The following BMPER variants were observed in gnomAD, a reference collection of about 807,000 sequenced individuals.
BMPER encodes BMP-binding endothelial regulator protein.
BMPER carries 45 observed loss-of-function variants against 87.3 expected under a neutral mutation model. The observed-to-expected ratio is 0.52, with a 90% CI of 0.41 to 0.66. The LOEUF is 0.66. Among genes scored for constraint, BMPER ranks in the 30% least tolerant of loss-of-function variants. The pLI is 0.00. For synonymous variants in BMPER, 326 were observed against 316.2 expected (o/e 1.03, Z -0.33); for missense variants, 784 against 867.5 (o/e 0.90, Z 1.21).
intron 9 of BMPER, among the ~76,000 whole-genome samples, chr7:34,055,539 A>G (rs1374980154): frequency 6.6e-6 from 1 of 152,220 alleles, no homozygotes; most frequent in African/African-American, 2.4e-5. Flanking sequence ...TTTCTTGACT[A>G]TATTTTTGCT....
chr7:33,999,909 C>T (rs538390833), intron 6 of BMPER, among the ~76,000 whole-genome samples: 6 of 152,318 alleles, frequency 3.9e-5, no homozygotes, highest in Non-Finnish European at 7.3e-5. Flanking sequence ...TAAAAGGCCA[C>T]TACGCTCAGA....
rs536452177 is a variant in BMPER at position 33,997,456 on chromosome 7, T to C, written c.576+22672T>C. ...CGTGATAGTGAGTTCTTACAAGACC[T>C]GGTTGTTCGATAGTGTCTGGCGCTT... is the stretch of plus-strand genomic sequence containing the variant. On this transcript the variant is annotated intron_variant, in intron 6 of 14. Coordinates refer to ENST00000649409, the MANE Select transcript of BMPER (RefSeq NM_001365308.1). Among the ~76,000 whole-genome samples the C allele has an allele frequency of 2.6e-5, 4 of 152,280 alleles. No individual in the cohort carries two copies. In the East Asian group the frequency reaches 7.7e-4, roughly 29 times the overall value.
At position 34,079,183 on chromosome 7, in the gene BMPER, G is replaced by A. The variant is rs1038957049; in HGVS notation, c.1405G>A (p.Ala469Thr). The change falls in exon 12 of 15, where the codon GCA becomes ACA. Residue 469 changes from alanine to threonine, a missense_variant. Ala to Thr is a moderately conservative substitution (Grantham distance 58, BLOSUM62 0). Coordinates refer to ENST00000649409, the MANE Select transcript of BMPER (RefSeq NM_001365308.1). Reference protein sequence around the residue: ...DGYLLKVTTKAGLEISWDGDS... With the variant: ...DGYLLKVTTKTGLEISWDGDS... ...CTACCTCTTGAAAGTGACCACCAAA[G>A]CAGGTGGGGCGTCTGTGGCCTCCCT... is the stretch of plus-strand genomic sequence containing the variant. 1 of 1,613,454 alleles carries A rather than the reference G, an allele frequency of 6.2e-7. No homozygotes were observed. The highest frequency in any genetic ancestry group is 1.3e-5 in the African/African-American group (1 of 74,942).
At chr7:33,981,204 T>C (rs1200499221) in intron 6 of BMPER, among the ~76,000 whole-genome samples, 1 of 152,218 alleles carries the variant, frequency 6.6e-6, no homozygotes, top group East Asian at 1.9e-4. Flanking sequence ...AAATGCAGCA[T>C]CTCTGTCCCT....
intron 6 of BMPER, among the ~76,000 whole-genome samples, chr7:33,991,566 A>G (rs1786220051): frequency 6.6e-6 from 1 of 152,108 alleles, no homozygotes; most frequent in Non-Finnish European, 1.5e-5. Flanking sequence ...TCAAAAAACC[A>G]GCTCCTGGAT....
At chr7:34,115,042 G>A (rs913726096) in intron 13 of BMPER, among the ~76,000 whole-genome samples, 11 of 152,178 alleles carry the variant, frequency 7.2e-5, no homozygotes, top group Non-Finnish European at 1.3e-4. Flanking sequence ...TTTCACCAAT[G>A]AATGGTTCAA....
At chr7:33,980,307 C>A (rs1184892328) in intron 6 of BMPER, among the ~76,000 whole-genome samples, 1 of 152,154 alleles carries the variant, frequency 6.6e-6, no homozygotes, top group Non-Finnish European at 1.5e-5. Context: ...AGAGTGCATT[C>A]TTTATGAGAT....
rs2127955697 is a variant in BMPER, at chr7:34,041,444, C to G, written c.577-4862C>G. On this transcript the variant is annotated intron_variant, in intron 6 of 14. Coordinates refer to ENST00000649409, the MANE Select transcript of BMPER (RefSeq NM_001365308.1). Reference sequence around the variant, plus strand: ...CTTCTGCTTTGATTTGTAGATTAGACTATTCTTTGCAGACCAAAAACAGGG... The same window carrying G: ...CTTCTGCTTTGATTTGTAGATTAGAGTATTCTTTGCAGACCAAAAACAGGG... Among the ~76,000 whole-genome samples, 3 of 152,266 alleles carry G rather than the reference C, an allele frequency of 2.0e-5. No individual in the cohort carries two copies. The South Asian group carries it at 6.2e-4, about 32-fold the overall frequency.
At position 33,939,041 on chromosome 7, in the gene BMPER, A is replaced by C. The variant is rs112461931; in HGVS notation, c.319+1653A>C. ...CTCCATCTCAAAAAACAAAACAAAA[A>C]AAAAGACAAAAAACGAGGACAATTG... On this transcript the variant is annotated intron_variant, in intron 3 of 14. Transcript: ENST00000649409. Among the ~76,000 whole-genome samples, 279 of 152,246 alleles carry C rather than the reference A, an allele frequency of 1.8e-3. 1 individual carries two copies. Among genetic ancestry groups the C allele is most frequent in the Middle Eastern group, 0.014 (4 of 294 alleles).
chr7:33,931,180 A>G (rs1784471803), intron 2 of BMPER, among the ~76,000 whole-genome samples: 1 of 152,180 alleles, frequency 6.6e-6, no homozygotes, highest in African/African-American at 2.4e-5. Flanking sequence ...TGTCCAGAAA[A>G]TCTGCAGACT....
intron 3 of BMPER, among the ~76,000 whole-genome samples, chr7:33,960,239 A>G (rs1658633423): frequency 6.6e-6 from 1 of 152,254 alleles, no homozygotes; most frequent in African/African-American, 2.4e-5. Context: ...AATTGCCTCC[A>G]GGATTCATGG....
intron 3 of BMPER, among the ~76,000 whole-genome samples, chr7:33,941,634 G>T (rs1001415328): frequency 1.3e-5 from 2 of 152,120 alleles, no homozygotes; most frequent in African/African-American, 4.8e-5. Context: ...CGCATGTGCA[G>T]TTCACAATAG....
chr7:34,113,961 T>A (rs1039933461), intron 13 of BMPER, among the ~76,000 whole-genome samples: 8 of 152,210 alleles, frequency 5.3e-5, no homozygotes, highest in Non-Finnish European at 1.0e-4. Context: ...TTCCTGTGAT[T>A]GAGAGTATTG....
intron 6 of BMPER, among the ~76,000 whole-genome samples, chr7:33,998,948 C>G (rs1374145926): frequency 1.3e-5 from 2 of 152,314 alleles, no homozygotes; most frequent in East Asian, 1.9e-4. Flanking sequence ...GGAAGGCTGT[C>G]TCAAGATTTC....
chr7:34,013,887 A>G (rs1255413951), intron 6 of BMPER, among the ~76,000 whole-genome samples: 1 of 151,946 alleles, frequency 6.6e-6, no homozygotes, highest in African/African-American at 2.4e-5. Context: ...CTTTTTACCC[A>G]AAGAGCTTTT....
intron 6 of BMPER, among the ~76,000 whole-genome samples, chr7:33,981,889 G>C (rs1362390891): frequency 6.6e-6 from 1 of 152,206 alleles, no homozygotes; most frequent in Non-Finnish European, 1.5e-5. Flanking sequence ...TGTTTGAAAA[G>C]TGTTCCTAAG....
intron 6 of BMPER, among the ~76,000 whole-genome samples, chr7:33,994,610 C>G (rs562305276): frequency 3.9e-5 from 6 of 152,250 alleles, no homozygotes; most frequent in South Asian, 2.1e-4. Context: ...AGCTGTAGAC[C>G]GGAGCTGTTC....
intron 11 of BMPER, among the ~76,000 whole-genome samples, chr7:34,072,048 G>A (rs961652): frequency 0.55 from 83,894 of 151,994 alleles, 24,289 homozygotes; most frequent in African/African-American, 0.7. Flanking sequence ...GTTGGATTCC[G>A]TCTTACAACT....
intron 2 of BMPER, among the ~76,000 whole-genome samples, chr7:33,913,707 A>G (rs1784018459): frequency 6.6e-6 from 1 of 152,242 alleles, no homozygotes; most frequent in Non-Finnish European, 1.5e-5. Context: ...GCTAAAATGC[A>G]GCAGTAATTA....
Sources: gnomAD v4.1 joint callset for allele counts (sites outside exome capture counted in the v4.1 genomes callset) on GRCh38, gnomAD v4.1.1 for gene constraint, MANE v1.5 for transcripts, NCBI Gene and HGNC (gene_info 2026-07-23, HGNC 2026-07-21) for gene names.